MCPH1: variants seen among roughly 807,000 people sequenced by gnomAD.
The protein encoded by MCPH1 is microcephalin 1.
A neutral mutation model predicts 84.5 loss-of-function variants in MCPH1; 104 were observed. That is an observed-to-expected ratio of 1.23 (90% CI 1.05 to 1.45). MCPH1 has a LOEUF of 1.45. MCPH1 is among the 40% of genes most tolerant of loss of function. The pLI is 0.00. For synonymous variants in MCPH1, 514 were observed against 366.8 expected, an observed-to-expected ratio of 1.40 and a Z score of -4.58; for missense variants, 1,498 against 1,005.7, an observed-to-expected ratio of 1.49 and a Z score of -6.62.
chr8:6,485,602 T>TC (rs34754537), intron 11 of MCPH1, among the ~76,000 whole-genome samples: 20,029 of 152,054 alleles, frequency 0.13, 1,506 homozygotes, highest in Middle Eastern at 0.27. Context: ...TACCTTTTTT[T>TC]CCCCTCATTC....
In MCPH1 at chr8:6,621,498, A is replaced by T. The variant is rs1019405441; in HGVS notation, c.2259A>T (p.Gly753=). 2.5e-6 allele frequency: 4 copies of T among 1,614,016 alleles called. No individual in the cohort carries two copies. The highest frequency in any genetic ancestry group is 3.3e-5 in the Admixed American group (2 of 59,998). ...ACTTGTCTGCAGGGCCGTACCGCGGAACCCTCTTTGCCGACCAGCCAGCGA... is the reference window on the plus strand; with the variant it reads ...ACTTGTCTGCAGGGCCGTACCGCGGTACCCTCTTTGCCGACCAGCCAGCGA... ...ECHLSAGPYR[G]TLFADQPAMF... Residue 753 remains glycine, a synonymous_variant, in exon 13 of 14, where the codon GGA becomes GGT. Transcript: ENST00000344683.
intron 12 of MCPH1, among the ~76,000 whole-genome samples, chr8:6,588,341 CTT>C (rs34760446): frequency 0.017 from 2,525 of 148,566 alleles, 31 homozygotes; most frequent in Middle Eastern, 0.028. Context: ...TCACTTAAAA[CTT>C]TTTTTTTTTT....
intron 12 of MCPH1, among the ~76,000 whole-genome samples, chr8:6,581,535 A>G (rs1827565822): frequency 6.6e-6 from 1 of 152,188 alleles, no homozygotes. Flanking sequence ...TCAGGATCTC[A>G]TGTAATACAG....
chr8:6,474,374 T>G (rs1372530291), intron 9 of MCPH1: 2 of 365,022 alleles, frequency 5.5e-6, no homozygotes, highest in Non-Finnish European at 1.0e-5. Context: ...AGTGACACTT[T>G]AGGACTGAAC....
At chr8:6,465,788 T>G (rs2440400) in intron 9 of MCPH1, among the ~76,000 whole-genome samples, 101,562 of 152,128 alleles carry the variant, frequency 0.67, 37,252 homozygotes, top group Non-Finnish European at 0.82. Context: ...CGCGGTAAGG[T>G]AGACACACAG....
intron 12 of MCPH1, among the ~76,000 whole-genome samples, chr8:6,528,253 A>G (rs1233722399): frequency 1.3e-5 from 2 of 152,224 alleles, no homozygotes; most frequent in African/African-American, 4.8e-5. Context: ...GGTCTGTGCC[A>G]AATACTAAAT....
chr8:6,581,886 G>A (rs767231824), intron 12 of MCPH1, among the ~76,000 whole-genome samples: 5 of 152,108 alleles, frequency 3.3e-5, no homozygotes, highest in Non-Finnish European at 7.4e-5. Flanking sequence ...GTCCTCACAT[G>A]GCAGAAGGGG....
rs200518541 is a variant in MCPH1 at position 6,444,948 on chromosome 8, A to T, written c.1226A>T (p.Glu409Val). The T allele has an allele frequency of 3.8e-4, 620 of 1,614,184 alleles. No homozygotes were observed. Among genetic ancestry groups the T allele is most frequent in the Middle Eastern group, 1.7e-3 (10 of 6,060 alleles). Residue 409 changes from glutamate (E) to valine (V), a missense_variant, in exon 8 of 14, where the codon GAG becomes GTG. Physicochemically the swap from Glu to Val is moderately radical, Grantham distance 121. Transcript: ENST00000344683. The stretch of plus-strand genomic sequence containing the variant: ...GCCCTGGAGGCTCTTAGCTGTGGGG[A>T]GTCTTCATATGATGACTATTTTTCA... ...GPALEALSCGESSYDDYFSPD... is the reference protein window; with the variant it reads ...GPALEALSCGVSSYDDYFSPD...
intron 12 of MCPH1, among the ~76,000 whole-genome samples, chr8:6,541,578 A>T (rs1457871491): frequency 2.6e-5 from 4 of 152,170 alleles, no homozygotes; most frequent in Non-Finnish European, 4.4e-5. Context: ...GTGGCCTCTG[A>T]GTTATTCTGC....
At chr8:6,438,791 G>C (rs932346066) in intron 5 of MCPH1, among the ~76,000 whole-genome samples, 162 bp from the exon 6 acceptor site, 3 of 152,292 alleles carry the variant, frequency 2.0e-5, no homozygotes, top group East Asian at 3.9e-4. Flanking sequence ...CAACATCACT[G>C]CCTGTGGAGG....
intron 9 of MCPH1, among the ~76,000 whole-genome samples, chr8:6,469,022 C>G (rs1331991512): frequency 6.6e-6 from 1 of 151,994 alleles, no homozygotes; most frequent in East Asian, 1.9e-4. Context: ...GACCTCATCT[C>G]TACTAAAAAT....
chr8:6,537,583 T>C (rs578164423), intron 12 of MCPH1, among the ~76,000 whole-genome samples: 1 of 151,840 alleles, frequency 6.6e-6, no homozygotes, highest in Non-Finnish European at 1.5e-5. Context: ...TATATATATA[T>C]TTTAGTGCAA....
chr8:6,493,866 G>A (rs1200736229), intron 11 of MCPH1, among the ~76,000 whole-genome samples: 3 of 152,306 alleles, frequency 2.0e-5, no homozygotes, highest in African/African-American at 7.2e-5. Flanking sequence ...AGTCAAGACA[G>A]TAATCCTCTG....
intron 12 of MCPH1, among the ~76,000 whole-genome samples, chr8:6,541,361 G>A (rs547703130): frequency 2.4e-4 from 37 of 152,190 alleles, no homozygotes; most frequent in Non-Finnish European, 3.5e-4. Context: ...TCGGGGCCAC[G>A]TGGAAGGGGA....
chr8:6,543,742 C>T (rs568138055), intron 12 of MCPH1, among the ~76,000 whole-genome samples: 1 of 152,238 alleles, frequency 6.6e-6, no homozygotes, highest in South Asian at 2.1e-4. Context: ...TGATCTGTCC[C>T]TTCGACCTCT....
chr8:6,490,740 A>T (rs1432679420), intron 11 of MCPH1, among the ~76,000 whole-genome samples: 1 of 152,174 alleles, frequency 6.6e-6, no homozygotes, highest in Non-Finnish European at 1.5e-5. Flanking sequence ...TCATACAGAA[A>T]ATTTGTTAGG....
At chr8:6,632,974 T>C (rs1228478407) in intron 13 of MCPH1, among the ~76,000 whole-genome samples, 1 of 152,076 alleles carries the variant, frequency 6.6e-6, no homozygotes, top group African/African-American at 2.4e-5. Context: ...ATTAATTTTC[T>C]TAGTAGTGTT....
chr8:6,490,006 TCTTTC>T (rs1810384410), intron 11 of MCPH1, among the ~76,000 whole-genome samples: 1 of 152,176 alleles, frequency 6.6e-6, no homozygotes, highest in Non-Finnish European at 1.5e-5. Context: ...ACACTGTTGG[TCTTTC>T]CTTTTCTTTT....
Position 6,492,435 on chromosome 8 carries a change from C to T in MCPH1, c.2137-7417C>T, listed in dbSNP as rs1046026033. Among the ~76,000 whole-genome samples, 4 of 151,716 alleles carry T rather than the reference C, an allele frequency of 2.6e-5. No individual in the cohort carries two copies. In the South Asian group the frequency reaches 8.3e-4, roughly 32 times the overall value. On this transcript the variant is annotated intron_variant, in intron 11 of 13. Coordinates refer to ENST00000344683, the MANE Select transcript of MCPH1 (RefSeq NM_024596.5). ...ACATTCTGTAGGTTGCCTGTTCACT[C>T]TGATGGTAGTTTCTTTTGCTGTGCA...
Sources: allele counts gnomAD v4.1 joint callset (sites outside exome capture counted in the v4.1 genomes callset), GRCh38; gene constraint gnomAD v4.1.1; transcripts MANE v1.5; gene names NCBI Gene and HGNC (gene_info 2026-07-23, HGNC 2026-07-21).